Variants in TDRD1 observed in about 807,000 individuals in gnomAD.
TDRD1 encodes tudor domain-containing protein 1.
A neutral mutation model predicts 140.6 loss-of-function variants in TDRD1; 37 were observed. The observed-to-expected ratio is 0.26, with a 90% confidence interval of 0.20 to 0.35. The LOEUF is 0.35. Among genes scored for constraint, TDRD1 ranks in the 10% least tolerant of loss-of-function variants. TDRD1 has a pLI of 1.00. For synonymous variants in TDRD1, 506 were observed against 475.7 expected, an observed-to-expected ratio of 1.06 and a Z score of -0.83; for missense variants, 1,243 against 1,393.0, an observed-to-expected ratio of 0.89 and a Z score of 1.71.
chr10:114,199,364 G>A, intron 4 of TDRD1, 47 bp downstream of exon 4: 2 of 1,556,454 alleles, frequency 1.3e-6, no homozygotes, highest in East Asian at 2.3e-5. Flanking sequence ...CCACATATTT[G>A]AAAAACATTT....
At chr10:114,228,339 C>T (rs1474507501) in intron 25 of TDRD1, 1 of 1,313,388 alleles carries the variant, frequency 7.6e-7, no homozygotes, top group Non-Finnish European at 9.7e-7. Flanking sequence ...ACTGAACCCC[C>T]AGGGGTATTC....
exon 26 of TDRD1, chr10:114,231,490 A>G: frequency 6.2e-7 from 1 of 1,602,664 alleles, no homozygotes; most frequent in Non-Finnish European, 8.5e-7. Context: ...TTTCAGAAAC[A>G]GCATCTCTTG....
exon 14 of TDRD1, chr10:114,211,948 C>T: frequency 6.2e-7 from 1 of 1,612,344 alleles, no homozygotes; most frequent in Non-Finnish European, 8.5e-7. Context: ...ATTATGGAAA[C>T]TTTGAAATCC....
chr10:114,213,356 A>G (rs2035609038), exon 15 of TDRD1: 1 of 1,611,958 alleles, frequency 6.2e-7, no homozygotes, highest in African/African-American at 1.3e-5. Context: ...GAGTAAAGCC[A>G]TCATTAGGAA....
intron 3 of TDRD1, among the ~76,000 whole-genome samples, chr10:114,191,709 G>A (rs1403209834): frequency 3.3e-5 from 5 of 152,158 alleles, no homozygotes; most frequent in Non-Finnish European, 7.4e-5. Flanking sequence ...ATATGAACAC[G>A]TTTTTAATGC....
At chr10:114,227,839 T>C in intron 23 of TDRD1, 71 bp from the exon 24 acceptor site, 2 of 1,236,348 alleles carry the variant, frequency 1.6e-6, no homozygotes, top group Non-Finnish European at 1.2e-6. Flanking sequence ...TATCTGTATA[T>C]GTTTACACTC....
intron 21 of TDRD1, among the ~76,000 whole-genome samples, 175 bp from the exon 22 acceptor site, chr10:114,225,874 T>A (rs899097216): frequency 2.4e-4 from 36 of 151,240 alleles, no homozygotes; most frequent in African/African-American, 6.8e-4. Context: ...AAAAAAAAAA[T>A]TCTATTACAT....
intron 21 of TDRD1, among the ~76,000 whole-genome samples, chr10:114,225,292 G>C (rs553749087): frequency 1.3e-5 from 2 of 152,184 alleles, no homozygotes; most frequent in Non-Finnish European, 2.9e-5. Flanking sequence ...AGCCTATTCA[G>C]ATGTCTTTGC....
exon 11 of TDRD1, chr10:114,206,260 T>C (rs1276983866): frequency 6.2e-7 from 1 of 1,613,450 alleles, no homozygotes; most frequent in Non-Finnish European, 8.5e-7. Flanking sequence ...TTTTAGACCA[T>C]GTGCTTATAG....
chr10:114,227,284 A>C, exon 23 of TDRD1: 1 of 1,611,508 alleles, frequency 6.2e-7, no homozygotes, highest in South Asian at 1.1e-5. Context: ...TCAAAGGCAG[A>C]GTGCTTTAAA....
rs112410034 is a variant in TDRD1, at chr10:114,182,722, G to A, written c.-7+3306G>A. On this transcript the variant is annotated intron_variant, in intron 1 of 25. Transcript: ENST00000251864. Reference sequence around the variant, plus strand: ...TTTTTTTTTGAGACAGTCTTGCTCTGTAGCCCAGGCTGGAATGCAGTGGCG... The same window carrying A: ...TTTTTTTTTGAGACAGTCTTGCTCTATAGCCCAGGCTGGAATGCAGTGGCG... 4.7e-3 allele frequency among the ~76,000 whole-genome samples: 680 copies of A among 145,230 alleles called. 6 individuals are homozygous for A. Among genetic ancestry groups the A allele is most frequent in the African/African-American group, 0.017 (652 of 39,034 alleles).
At chr10:114,221,629 G>A (rs1400985443) in intron 20 of TDRD1, among the ~76,000 whole-genome samples, 153 bp downstream of exon 20, 4 of 152,182 alleles carry the variant, frequency 2.6e-5, no homozygotes, top group East Asian at 3.9e-4. Flanking sequence ...ATTTAGTTAC[G>A]AAACACTAGC....
chr10:114,230,434 T>C (rs1181484648), intron 25 of TDRD1, among the ~76,000 whole-genome samples: 1 of 152,226 alleles, frequency 6.6e-6, no homozygotes, highest in Non-Finnish European at 1.5e-5. Context: ...TTACATCTAC[T>C]CACATACTTA....
At chr10:114,192,370 C>A (rs2034041833) in intron 3 of TDRD1, among the ~76,000 whole-genome samples, 1 of 125,464 alleles carries the variant, frequency 8.0e-6, no homozygotes, top group Admixed American at 1.0e-4. Flanking sequence ...GTGGCGCGAT[C>A]TCGGCTCACT....
chr10:114,187,770 G>C (rs1219027126), intron 1 of TDRD1, 56 bp from the exon 2 acceptor site: 16 of 1,426,010 alleles, frequency 1.1e-5, no homozygotes, highest in Middle Eastern at 2.5e-4. Flanking sequence ...TGAGCCTGCA[G>C]TTCTTCTGAA....
chr10:114,218,533 T>C lies in TDRD1; in HGVS notation c.2443T>C (p.Ser815Pro), dbSNP rs776589796. 66 of 1,611,974 alleles carry C rather than the reference T, an allele frequency of 4.1e-5. No homozygotes were observed. Among genetic ancestry groups the C allele is most frequent in the Non-Finnish European group, 5.4e-5 (64 of 1,179,018 alleles). The change falls in exon 18 of 26, where the codon TCA becomes CCA. Residue 815 changes from serine (S) to proline (P), a missense_variant. This residue lies in a region of TDRD1 where 601 missense variants were observed against 734.7 expected (regional missense o/e 0.82). Transcript: ENST00000251864. ...TACTGCAGATGAACTCCGAATGATA[T>C]CATCAACATTTTTAAACCTTCCCTT...
In TDRD1 at chr10:114,213,605, C is replaced by T. The variant is rs201614395; in HGVS notation, c.2074+17C>T. 1.9e-6 allele frequency: 3 copies of T among 1,609,852 alleles called. No individual in the cohort carries two copies. The highest frequency in any genetic ancestry group is 2.5e-6 in the Non-Finnish European group (3 of 1,176,662). ...AAACCAGTGGTAAGTCAAATGTTTA[C>T]TGGATAATGCCTGTTCTGGAGTTCA... is the stretch of plus-strand genomic sequence containing the variant. On this transcript the variant is annotated intron_variant, in intron 15 of 25. Transcript: ENST00000251864.
chr10:114,214,997 C>T (rs1226313906), intron 16 of TDRD1, among the ~76,000 whole-genome samples: 2 of 152,138 alleles, frequency 1.3e-5, no homozygotes, highest in African/African-American at 4.8e-5. Flanking sequence ...CTGCCTCGGC[C>T]TCCCAAAGTG....
At chr10:114,197,411 G>A (rs558088357) in intron 3 of TDRD1, among the ~76,000 whole-genome samples, 2 of 151,894 alleles carry the variant, frequency 1.3e-5, no homozygotes, top group Non-Finnish European at 2.9e-5. Flanking sequence ...TACTCATTTG[G>A]TTCTTTATAT....
Sources: gnomAD v4.1 joint callset for allele counts (sites outside exome capture counted in the v4.1 genomes callset) on GRCh38, gnomAD v4.1.1 for gene constraint, gnomAD v4.1.1 regional missense constraint, MANE v1.5 for transcripts, NCBI Gene and HGNC (gene_info 2026-07-23, HGNC 2026-07-21) for gene names.